TTC29: variants seen among roughly 807,000 people sequenced by gnomAD.
TTC29 encodes tetratricopeptide repeat domain 29, also known as tetratricopeptide repeat protein 29.
Under a neutral mutation model 58.1 loss-of-function variants are expected in TTC29, and 49 were observed. The observed-to-expected ratio is 0.84, with a 90% CI of 0.67 to 1.07. The LOEUF is 1.07. Ranked by LOEUF, TTC29 falls within the 50% of genes least tolerant of loss-of-function variation. The pLI, the probability that TTC29 is intolerant of heterozygous loss-of-function variation, is 0.00. For missense variants in TTC29, 582 were observed against 555.6 expected (o/e 1.05, Z -0.48); for synonymous variants, 209 against 196.8 (o/e 1.06, Z -0.52).
At chr4:146,806,604 C>A (rs1297148500) in intron 10 of TTC29, among the ~76,000 whole-genome samples, 2 of 150,290 alleles carry the variant, frequency 1.3e-5, no homozygotes, top group Non-Finnish European at 2.9e-5. Flanking sequence ...ATAAAACAGA[C>A]TTTAAACCAA....
At chr4:146,943,017 G>A in intron 2 of TTC29, 1 of 166,746 alleles carries the variant, frequency 6.0e-6, no homozygotes, top group Non-Finnish European at 1.3e-5. Flanking sequence ...CACCAAAGTT[G>A]GCATACCAGC....
intron 11 of TTC29, among the ~76,000 whole-genome samples, chr4:146,734,361 C>T (rs898351822): frequency 1.3e-5 from 2 of 152,100 alleles, no homozygotes; most frequent in Admixed American, 1.3e-4. Context: ...GCACCCCTTC[C>T]CCTATACTTC....
At chr4:146,780,833 T>C (rs966614814) in intron 11 of TTC29, among the ~76,000 whole-genome samples, 1 of 152,074 alleles carries the variant, frequency 6.6e-6, no homozygotes, top group African/African-American at 2.4e-5. Context: ...GGATTGGTAT[T>C]ACAATCCACA....
At chr4:146,904,743 CAG>C (rs1464707763) in intron 5 of TTC29, among the ~76,000 whole-genome samples, 1 of 152,050 alleles carries the variant, frequency 6.6e-6, no homozygotes, top group Non-Finnish European at 1.5e-5. Context: ...TCACTACTAC[CAG>C]AGGAGTCAAC....
chr4:146,754,221 T>C (rs1243888275), intron 11 of TTC29, among the ~76,000 whole-genome samples: 1 of 151,860 alleles, frequency 6.6e-6, no homozygotes, highest in East Asian at 1.9e-4. Flanking sequence ...TGTCAATACA[T>C]TGGATAACCT....
chr4:146,874,628 TA>T (rs2150222259), intron 7 of TTC29, 87 bp downstream of exon 7: 3 of 1,069,308 alleles, frequency 2.8e-6, no homozygotes, highest in Admixed American at 4.2e-5. Flanking sequence ...ATAATCACCC[TA>T]ACACTTGACG....
At chr4:146,725,529 C>T (rs923907980) in intron 11 of TTC29, among the ~76,000 whole-genome samples, 1 of 151,928 alleles carries the variant, frequency 6.6e-6, no homozygotes, top group Non-Finnish European at 1.5e-5. Context: ...AGAGTGATAC[C>T]TTGTTTCAAA....
intron 11 of TTC29, among the ~76,000 whole-genome samples, chr4:146,759,518 T>C (rs528481540): frequency 1.6e-4 from 25 of 152,160 alleles, no homozygotes; most frequent in South Asian, 6.2e-4. Flanking sequence ...TTGACGAATA[T>C]AGATACTAAA....
intron 11 of TTC29, among the ~76,000 whole-genome samples, chr4:146,770,035 G>T (rs1200424006): frequency 1.3e-5 from 2 of 151,980 alleles, no homozygotes; most frequent in African/African-American, 2.4e-5. Flanking sequence ...ACTGGGAAAA[G>T]AATCTGGACT....
chr4:146,852,880 T>C (rs551939188), intron 8 of TTC29, among the ~76,000 whole-genome samples: 104 of 152,350 alleles, frequency 6.8e-4, no homozygotes, highest in Admixed American at 2.2e-3. Flanking sequence ...TTTCTCCCTG[T>C]TTTATTGTTT....
chr4:146,728,294 G>C, intron 11 of TTC29, among the ~76,000 whole-genome samples: 2 of 127,566 alleles, frequency 1.6e-5, no homozygotes, highest in East Asian at 4.8e-4. Flanking sequence ...TCAAAAAAAA[G>C]AAAAAAAAAA....
chr4:146,721,189 T>G (rs1743327764), intron 11 of TTC29, among the ~76,000 whole-genome samples: 1 of 152,166 alleles, frequency 6.6e-6, no homozygotes, highest in African/African-American at 2.4e-5. Flanking sequence ...TTTAAATGCT[T>G]GTCCCAATAA....
intron 6 of TTC29, among the ~76,000 whole-genome samples, chr4:146,899,843 G>C (rs781456895): frequency 2.6e-5 from 4 of 152,142 alleles, no homozygotes; most frequent in African/African-American, 9.7e-5. Context: ...CCACCTGCCC[G>C]TTGCCATCTG....
At chr4:146,854,294 A>G (rs1579834904) in intron 8 of TTC29, among the ~76,000 whole-genome samples, 1 of 152,098 alleles carries the variant, frequency 6.6e-6, no homozygotes, top group Non-Finnish European at 1.5e-5. Flanking sequence ...GCATTCACCT[A>G]TTGCTGCCCA....
chr4:146,808,766 C>T (rs1218723975), intron 10 of TTC29, among the ~76,000 whole-genome samples: 1 of 152,186 alleles, frequency 6.6e-6, no homozygotes, highest in Non-Finnish European at 1.5e-5. Flanking sequence ...ACATTCCATG[C>T]TCATGGATAG....
chr4:146,825,439 T>G (rs1727724728), intron 9 of TTC29, among the ~76,000 whole-genome samples: 1 of 152,246 alleles, frequency 6.6e-6, no homozygotes, highest in South Asian at 2.1e-4. Flanking sequence ...TCCTGAATTC[T>G]AATTTGATTG....
chr4:146,842,610 A>G (rs922179936), intron 8 of TTC29, among the ~76,000 whole-genome samples: 1 of 152,154 alleles, frequency 6.6e-6, no homozygotes, highest in African/African-American at 2.4e-5. Context: ...AGAGCATCAA[A>G]CAGATTTCTC....
In TTC29 at chr4:146,756,790, G is replaced by A. The variant is rs1049903073; in HGVS notation, c.1330+46667C>T. 2.0e-5 allele frequency among the ~76,000 whole-genome samples: 3 copies of A among 150,946 alleles called. No homozygotes were observed. In the East Asian group the frequency reaches 5.8e-4, roughly 29 times the overall value. ...TTCAAATATCTTGTCTTCCAGCTCT[G>A]ACTTTCTTTCTTCTACTTGTTCCAT... On this transcript the variant is annotated intron_variant, in intron 11 of 12. Coordinates refer to ENST00000325106, the MANE Select transcript of TTC29 (RefSeq NM_031956.4).
At chr4:146,806,014 C>T (rs1440518905) in intron 10 of TTC29, among the ~76,000 whole-genome samples, 1 of 152,156 alleles carries the variant, frequency 6.6e-6, no homozygotes, top group Non-Finnish European at 1.5e-5. Context: ...AAGGGAAGCC[C>T]ATCAGACTAA....
Sources: gnomAD v4.1 joint callset for allele counts (sites outside exome capture counted in the v4.1 genomes callset) on GRCh38, gnomAD v4.1.1 for gene constraint, MANE v1.5 for transcripts, NCBI Gene and HGNC (gene_info 2026-07-23, HGNC 2026-07-21) for gene names.